The following PCDHA6 variants were observed in gnomAD, a reference collection of about 807,000 sequenced individuals.
PCDHA6 encodes the protein protocadherin alpha-6.
In PCDHA6, 55 loss-of-function variants were observed where a neutral mutation model predicts 60.3. The ratio of observed to expected loss-of-function variants is 0.91; its 90% CI spans 0.73 to 1.14. PCDHA6 has a LOEUF of 1.14. PCDHA6 is among the 50% of genes most tolerant of loss of function. The probability of loss-of-function intolerance (pLI) is 0.00; values close to 1 mark genes in which losing one functional copy is unlikely to be tolerated. For synonymous variants in PCDHA6, 652 were observed against 557.9 expected (o/e 1.17, Z -2.38); for missense variants, 1,327 against 1,256.5 (o/e 1.06, Z -0.85).
intron 3 of PCDHA6, among the ~76,000 whole-genome samples, chr5:140,991,204 A>C (rs1416431011): frequency 6.6e-6 from 1 of 152,198 alleles, no homozygotes; most frequent in East Asian, 1.9e-4. Flanking sequence ...ATGCTCAATA[A>C]ATTTTGTTAA....
In PCDHA6 at chr5:141,010,449, C is replaced by G. The variant is rs764975082; in HGVS notation, c.*512C>G. 1.1e-6 allele frequency: 1 copy of G among 915,348 alleles called. No homozygotes were observed. Among genetic ancestry groups the G allele is most frequent in the East Asian group, 2.7e-5 (1 of 36,418 alleles). 56.7% of individuals were successfully genotyped at this position (915,348 alleles called of 1,614,324 possible). ...CAAGAAAACAAAGACAAATAAACAGCGGAAGTTATCAGTATGGAGGGGAAG... is the reference window on the plus strand; with the variant it reads ...CAAGAAAACAAAGACAAATAAACAGGGGAAGTTATCAGTATGGAGGGGAAG... On this transcript the variant is annotated 3_prime_UTR_variant, in exon 4 of 4. Transcript: ENST00000529310.
At chr5:140,897,759 G>A (rs1238732675) in intron 1 of PCDHA6, among the ~76,000 whole-genome samples, 7 of 152,228 alleles carry the variant, frequency 4.6e-5, no homozygotes, top group South Asian at 2.1e-4. Flanking sequence ...CTGAGGAATC[G>A]CCACACTGAC....
At chr5:141,009,107 G>A (rs1329490009) in intron 3 of PCDHA6, among the ~76,000 whole-genome samples, 6 of 152,180 alleles carry the variant, frequency 3.9e-5, no homozygotes, top group African/African-American at 1.4e-4. Flanking sequence ...ATGTTACTAT[G>A]AAACTAGATT....
intron 1 of PCDHA6, chr5:140,871,535 G>GTTTC: frequency 6.6e-7 from 1 of 1,514,054 alleles, no homozygotes; most frequent in Non-Finnish European, 8.9e-7. Flanking sequence ...AAGTGTATGT[G>GTTTC]AAATTATTTA....
At chr5:140,882,732 A>C in intron 1 of PCDHA6, 1 of 1,614,228 alleles carries the variant, frequency 6.2e-7, no homozygotes, top group Non-Finnish European at 8.5e-7. Context: ...TTTCCACTAG[A>C]TGGCGCATCC....
chr5:140,937,964 A>G (rs1298140144), intron 1 of PCDHA6, among the ~76,000 whole-genome samples: 1 of 152,164 alleles, frequency 6.6e-6, no homozygotes, highest in East Asian at 1.9e-4. Flanking sequence ...GAAAGTATAT[A>G]GAAATAATAC....
At chr5:140,862,674 C>G (rs782474067) in intron 1 of PCDHA6, 12 of 549,972 alleles carry the variant, frequency 2.2e-5, no homozygotes, top group African/African-American at 3.8e-5. Flanking sequence ...CGCAGGAGAA[C>G]GTGCTGGTGT....
intron 1 of PCDHA6, chr5:140,865,192 A>G (rs1306002523): frequency 6.6e-6 from 1 of 152,218 alleles, no homozygotes; most frequent in Admixed American, 6.5e-5. Context: ...CCTTCACACC[A>G]TATTAATGTG....
rs139576828 is a variant in PCDHA6 at position 140,850,837 on chromosome 5, G to T, written c.2394+20352G>T. 6 of 1,597,642 alleles carry T rather than the reference G, an allele frequency of 3.8e-6. No individual in the cohort carries two copies. In the African/African-American group the frequency reaches 8.1e-5, roughly 21 times the overall value. On this transcript the variant is annotated intron_variant, in intron 1 of 3. Transcript: ENST00000529310. The stretch of plus-strand genomic sequence containing the variant: ...AGCCCGGGCCTTTCTCCTTGTGCTG[G>T]ATCTACAGAGCGAACGGGAGAACCC...
At chr5:140,991,447 C>T (rs1554252191) in intron 3 of PCDHA6, among the ~76,000 whole-genome samples, 1 of 152,162 alleles carries the variant, frequency 6.6e-6, no homozygotes, top group African/African-American at 2.4e-5. Context: ...TGGCTTAAAA[C>T]AACACAATGT....
intron 1 of PCDHA6, chr5:140,969,231 C>A (rs782084659): frequency 6.2e-7 from 1 of 1,614,110 alleles, no homozygotes; most frequent in Non-Finnish European, 8.5e-7. Context: ...CCTTCGGGAG[C>A]CCAAGCAGCA....
chr5:140,871,066 G>GA, intron 1 of PCDHA6: 1 of 1,613,276 alleles, frequency 6.2e-7, no homozygotes, highest in South Asian at 1.1e-5. Context: ...GGATCACGGT[G>GA]AGCCGGCGCT....
At position 140,830,435 on chromosome 5, in the gene PCDHA6, A is replaced by G. The variant is rs1771062233; in HGVS notation, c.2344A>G (p.Met782Val). 1.2e-6 allele frequency: 2 copies of G among 1,613,132 alleles called. No individual in the cohort carries two copies. The highest frequency in any genetic ancestry group is 2.7e-5 in the African/African-American group (2 of 74,942). The change falls in exon 1 of 4, where the codon ATG becomes GTG. Residue 782 changes from methionine (M) to valine (V), a missense_variant. Transcript: ENST00000529310. ...FSPSLSPCPI[M>V]MGKAENQDLN... ...CCCCAGCCTTTCACCTTGTCCTATT[A>G]TGATGGGTAAGGCGGAGAATCAGGA...
chr5:140,843,637 C>T (rs1289295729), intron 1 of PCDHA6: 2 of 1,595,812 alleles, frequency 1.3e-6, no homozygotes, highest in East Asian at 2.2e-5. Flanking sequence ...TCATGGCCTT[C>T]AGCCCCTGCC....
intron 1 of PCDHA6, chr5:140,928,280 C>G (rs781831365): frequency 6.2e-7 from 1 of 1,614,194 alleles, no homozygotes; most frequent in East Asian, 2.2e-5. Context: ...CCTGGGGCCT[C>G]TCTAGGCCGA....
At chr5:140,921,078 C>A (rs2153559626) in intron 1 of PCDHA6, among the ~76,000 whole-genome samples, 1 of 151,870 alleles carries the variant, frequency 6.6e-6, no homozygotes, top group East Asian at 2.0e-4. Context: ...CTCTTGGGCT[C>A]AAGAGAATCC....
chr5:140,878,342 CAAT>C (rs1416409658), intron 1 of PCDHA6, among the ~76,000 whole-genome samples: 2 of 152,076 alleles, frequency 1.3e-5, no homozygotes, highest in Non-Finnish European at 2.9e-5. Flanking sequence ...GGTATTATCA[CAAT>C]AATATAAATG....
intron 1 of PCDHA6, chr5:140,966,591 C>A (rs2096024240): frequency 1.7e-6 from 1 of 588,704 alleles, no homozygotes; most frequent in Non-Finnish European, 2.7e-6. Flanking sequence ...GACGGTGGGG[C>A]CAGGAGCCCT....
chr5:140,963,386 A>G (rs189164274), intron 1 of PCDHA6, among the ~76,000 whole-genome samples: 2 of 152,344 alleles, frequency 1.3e-5, no homozygotes, highest in Admixed American at 1.3e-4. Flanking sequence ...CTCTGTGCCA[A>G]GCTCCCTACT....
Sources: gnomAD v4.1 joint callset for allele counts (sites outside exome capture counted in the v4.1 genomes callset) on GRCh38, gnomAD v4.1.1 for gene constraint, MANE v1.5 for transcripts, NCBI Gene and HGNC (gene_info 2026-07-23, HGNC 2026-07-21) for gene names.